The following SPIDR variants were observed in gnomAD, a reference collection of about 807,000 sequenced individuals.
The protein encoded by SPIDR is scaffold protein involved in DNA repair, also known as DNA repair-scaffolding protein.
In SPIDR, 93 loss-of-function variants were observed where a neutral mutation model predicts 104.6. The observed-to-expected ratio is 0.89, with a 90% CI of 0.75 to 1.06. The LOEUF (loss-of-function observed/expected upper bound fraction) is 1.06, where lower values mean the gene tolerates loss of function less well. SPIDR is among the 50% of genes least tolerant of loss of function. The pLI, the probability that SPIDR is intolerant of heterozygous loss-of-function variation, is 0.00. For missense variants in SPIDR, 1,154 were observed against 1,111.2 expected, an observed-to-expected ratio of 1.04 and a Z score of -0.55; for synonymous variants, 431 against 416.9, an observed-to-expected ratio of 1.03 and a Z score of -0.41.
At chr8:47,579,201 G>A (rs2059453280) in intron 8 of SPIDR, among the ~76,000 whole-genome samples, 1 of 152,134 alleles carries the variant, frequency 6.6e-6, no homozygotes, top group Non-Finnish European at 1.5e-5. Flanking sequence ...ATTTCATGCT[G>A]GTGTACTGAT....
At position 47,319,745 on chromosome 8, in the gene SPIDR, T is replaced by A. The variant is rs549683937; in HGVS notation, c.525+25715T>A. Among the ~76,000 whole-genome samples, 109 of 152,206 alleles carry A rather than the reference T, an allele frequency of 7.2e-4. 1 individual carries two copies. The highest frequency in any genetic ancestry group is 2.4e-3 in the African/African-American group (98 of 41,534). On this transcript the variant is annotated intron_variant, in intron 5 of 19. Coordinates refer to ENST00000297423, the MANE Select transcript of SPIDR (RefSeq NM_001080394.4). ...AAAGAACAGAAATTATAACAAACTG[T>A]CTCTCAGACCACAGTGCAATCAAAC...
chr8:47,735,031 G>A (rs1409193931), intron 19 of SPIDR, among the ~76,000 whole-genome samples: 4 of 152,124 alleles, frequency 2.6e-5, no homozygotes, highest in Middle Eastern at 3.2e-3. Context: ...CGTGTCCCAA[G>A]TAAAAACAAT....
intron 8 of SPIDR, among the ~76,000 whole-genome samples, chr8:47,538,136 C>T (rs936430795): frequency 6.6e-6 from 1 of 152,088 alleles, no homozygotes; most frequent in Non-Finnish European, 1.5e-5. Context: ...GATCGTGCCA[C>T]TGTATTCCAG....
intron 10 of SPIDR, among the ~76,000 whole-genome samples, chr8:47,666,058 G>A (rs1177740987): frequency 6.6e-6 from 1 of 152,102 alleles, no homozygotes; most frequent in African/African-American, 2.4e-5. Flanking sequence ...TTTAATTACT[G>A]TGTTTGAAAG....
intron 8 of SPIDR, among the ~76,000 whole-genome samples, chr8:47,543,790 G>T (rs2088714800): frequency 6.6e-6 from 1 of 152,162 alleles, no homozygotes; most frequent in African/African-American, 2.4e-5. Flanking sequence ...GTTAGAACTG[G>T]TCCAGAGATA....
At chr8:47,464,466 G>A (rs1158501791) in intron 8 of SPIDR, among the ~76,000 whole-genome samples, 1 of 152,156 alleles carries the variant, frequency 6.6e-6, no homozygotes, top group Non-Finnish European at 1.5e-5. Flanking sequence ...ACAGTGGATG[G>A]AAGGAATAAA....
intron 8 of SPIDR, among the ~76,000 whole-genome samples, chr8:47,553,393 G>C (rs546387695): frequency 1.1e-4 from 17 of 152,314 alleles, no homozygotes; most frequent in African/African-American, 4.1e-4. Context: ...ATCAGACATA[G>C]ATTTGGTCTT....
chr8:47,430,048 C>T (rs1159510706), intron 7 of SPIDR, among the ~76,000 whole-genome samples: 1 of 152,096 alleles, frequency 6.6e-6, no homozygotes, highest in African/African-American at 2.4e-5. Flanking sequence ...TCTCAGAGTG[C>T]TTTTTACTTT....
chr8:47,449,523 A>C (rs1392470350), intron 8 of SPIDR, among the ~76,000 whole-genome samples: 1 of 152,200 alleles, frequency 6.6e-6, no homozygotes, highest in Non-Finnish European at 1.5e-5. Flanking sequence ...AAATAAATAA[A>C]TTGCTGGCTC....
At chr8:47,592,519 G>A (rs2061155482) in intron 8 of SPIDR, 4 of 1,391,706 alleles carry the variant, frequency 2.9e-6, no homozygotes, top group Non-Finnish European at 4.1e-6. Flanking sequence ...AACAGGCATT[G>A]CTCTCATCTG....
intron 8 of SPIDR, among the ~76,000 whole-genome samples, chr8:47,578,238 C>T (rs1405037411): frequency 2.6e-5 from 4 of 152,034 alleles, no homozygotes; most frequent in Non-Finnish European, 5.9e-5. Context: ...TTTGGGAGGC[C>T]GAGGCGGGCA....
intron 5 of SPIDR, among the ~76,000 whole-genome samples, chr8:47,358,390 T>C (rs1049931798): frequency 1.3e-5 from 2 of 152,210 alleles, no homozygotes; most frequent in Admixed American, 1.3e-4. Context: ...GCCTGGTCAT[T>C]TATTTTTTTT....
intron 8 of SPIDR, among the ~76,000 whole-genome samples, chr8:47,536,902 T>G (rs1197247700): frequency 6.6e-6 from 1 of 152,160 alleles, no homozygotes. Context: ...AAAAAATTAA[T>G]AAAAGCTCTG....
chr8:47,632,793 C>G (rs186712096), intron 10 of SPIDR, among the ~76,000 whole-genome samples: 6 of 152,028 alleles, frequency 3.9e-5, no homozygotes, highest in Non-Finnish European at 2.9e-5. Flanking sequence ...ACAAAATCTC[C>G]GAGCAGTAGC....
At chr8:47,577,752 A>G (rs944296966) in intron 8 of SPIDR, among the ~76,000 whole-genome samples, 1 of 152,168 alleles carries the variant, frequency 6.6e-6, no homozygotes, top group Non-Finnish European at 1.5e-5. Flanking sequence ...AATACTCAAA[A>G]TGTGGTTGTG....
At position 47,658,638 on chromosome 8, in the gene SPIDR, G is replaced by A. The variant is rs186716305; in HGVS notation, c.1545-15163G>A. ...ACAATAAAGATGGTGTGTGAGTATGGAAAAGGCCTTTCTCGGCCAGACTTG... is the reference window on the plus strand; with the variant it reads ...ACAATAAAGATGGTGTGTGAGTATGAAAAAGGCCTTTCTCGGCCAGACTTG... On this transcript the variant is annotated intron_variant, in intron 10 of 19. Coordinates refer to ENST00000297423, the MANE Select transcript of SPIDR (RefSeq NM_001080394.4). Among the ~76,000 whole-genome samples the A allele has an allele frequency of 5.6e-3, 843 of 151,434 alleles. 8 individuals are homozygous for A. Among genetic ancestry groups the A allele is most frequent in the Middle Eastern group, 0.014 (4 of 290 alleles).
At chr8:47,298,044 C>T (rs1467166874) in intron 5 of SPIDR, among the ~76,000 whole-genome samples, 2 of 152,196 alleles carry the variant, frequency 1.3e-5, no homozygotes, top group Non-Finnish European at 2.9e-5. Context: ...CTGACTTCCA[C>T]AATGGTTGAA....
chr8:47,360,155 T>C (rs1017224580), intron 5 of SPIDR, among the ~76,000 whole-genome samples: 9 of 136,040 alleles, frequency 6.6e-5, no homozygotes, highest in Non-Finnish European at 6.1e-5. Context: ...GGCAGGACAA[T>C]GGCATGAACC....
intron 10 of SPIDR, among the ~76,000 whole-genome samples, chr8:47,658,548 T>TGTTGTC (rs1554549277): frequency 4.8e-5 from 2 of 41,238 alleles, no homozygotes; most frequent in African/African-American, 1.7e-4. Flanking sequence ...TTGTTACTGT[T>TGTTGTC]GTTGTTGTTG....
Sources: gnomAD v4.1 joint callset for allele counts (sites outside exome capture counted in the v4.1 genomes callset) on GRCh38, gnomAD v4.1.1 for gene constraint, MANE v1.5 for transcripts, NCBI Gene and HGNC (gene_info 2026-07-23, HGNC 2026-07-21) for gene names.